The following STXBP5L variants were observed in gnomAD, a reference collection of about 807,000 sequenced individuals.
STXBP5L encodes syntaxin binding protein 5L.
STXBP5L carries 65 observed loss-of-function variants against 144.5 expected under a neutral mutation model. The ratio of observed to expected loss-of-function variants is 0.45; its 90% confidence interval spans 0.37 to 0.55. The LOEUF is 0.55. Among genes scored for constraint, STXBP5L ranks in the 20% least tolerant of loss-of-function variants. The pLI is 0.00. For synonymous variants in STXBP5L, 505 were observed against 469.6 expected, an observed-to-expected ratio of 1.08 and a Z score of -0.97; for missense variants, 1,298 against 1,405.5, an observed-to-expected ratio of 0.92 and a Z score of 1.22.
intron 14 of STXBP5L, among the ~76,000 whole-genome samples, chr3:121,249,874 T>C (rs1490538826): frequency 6.6e-6 from 1 of 152,110 alleles, no homozygotes; most frequent in Non-Finnish European, 1.5e-5. Flanking sequence ...CCTGTGTTCC[T>C]AGTTTATTGA....
chr3:121,226,740 A>G (rs918235509), intron 11 of STXBP5L, among the ~76,000 whole-genome samples: 1 of 152,168 alleles, frequency 6.6e-6, no homozygotes, highest in Non-Finnish European at 1.5e-5. Context: ...CAATGTTACA[A>G]TCTAATAACA....
intron 2 of STXBP5L, among the ~76,000 whole-genome samples, chr3:120,952,801 T>G (rs555622730): frequency 6.6e-6 from 1 of 152,188 alleles, no homozygotes; most frequent in South Asian, 2.1e-4. Context: ...GTACAATTTT[T>G]AAAATTTTTT....
At chr3:120,975,461 T>A (rs1284129490) in intron 3 of STXBP5L, among the ~76,000 whole-genome samples, 1 of 152,196 alleles carries the variant, frequency 6.6e-6, no homozygotes, top group Admixed American at 6.5e-5. Flanking sequence ...AATGGGGTTT[T>A]CTAGATAACA....
At chr3:121,295,261 C>A (rs1362664313) in intron 19 of STXBP5L, among the ~76,000 whole-genome samples, 1 of 151,946 alleles carries the variant, frequency 6.6e-6, no homozygotes, top group Non-Finnish European at 1.5e-5. Flanking sequence ...GGTACAAGGA[C>A]TGACATTTAA....
chr3:121,053,557 G>T (rs1262104377), intron 5 of STXBP5L, among the ~76,000 whole-genome samples: 2 of 150,778 alleles, frequency 1.3e-5, no homozygotes, highest in Non-Finnish European at 3.0e-5. Flanking sequence ...AGCTGAATTT[G>T]GATCCCTTAC....
intron 20 of STXBP5L, among the ~76,000 whole-genome samples, chr3:121,347,924 C>G (rs2045074086): frequency 6.6e-6 from 1 of 152,168 alleles, no homozygotes; most frequent in Non-Finnish European, 1.5e-5. Context: ...TTGACTTCCT[C>G]TTTTCCGAAT....
At chr3:121,084,244 C>T (rs768681366) in intron 5 of STXBP5L, among the ~76,000 whole-genome samples, 2 of 152,072 alleles carry the variant, frequency 1.3e-5, no homozygotes, top group African/African-American at 4.8e-5. Flanking sequence ...ATGTGTAAGA[C>T]ATGGAAGTTT....
intron 20 of STXBP5L, among the ~76,000 whole-genome samples, chr3:121,321,525 CT>C (rs1476396750): frequency 6.6e-6 from 1 of 152,196 alleles, no homozygotes; most frequent in East Asian, 1.9e-4. Context: ...TCTGTAATCT[CT>C]TGCTGTTGTA....
intron 5 of STXBP5L, among the ~76,000 whole-genome samples, chr3:121,060,217 C>G (rs1275972639): frequency 6.6e-6 from 1 of 152,094 alleles, no homozygotes; most frequent in Non-Finnish European, 1.5e-5. Context: ...TTTTCTGCAT[C>G]TTTGGAGGTA....
intron 19 of STXBP5L, among the ~76,000 whole-genome samples, chr3:121,298,674 A>G (rs1341743730): frequency 1.3e-5 from 2 of 152,232 alleles, no homozygotes; most frequent in Non-Finnish European, 2.9e-5. Flanking sequence ...CAAATATTAT[A>G]TGATTCCACT....
intron 9 of STXBP5L, among the ~76,000 whole-genome samples, chr3:121,159,337 T>C (rs1279007746): frequency 1.3e-5 from 2 of 152,094 alleles, no homozygotes; most frequent in East Asian, 1.9e-4. Context: ...ATTATTTGTG[T>C]TATTATTATT....
chr3:121,136,100 C>T (rs2045245771), intron 7 of STXBP5L, among the ~76,000 whole-genome samples: 1 of 152,182 alleles, frequency 6.6e-6, no homozygotes, highest in Non-Finnish European at 1.5e-5. Flanking sequence ...GCCCTGGTGC[C>T]ATTCTCATCT....
intron 19 of STXBP5L, among the ~76,000 whole-genome samples, chr3:121,285,870 A>G (rs1257365298): frequency 2.6e-5 from 4 of 152,140 alleles, no homozygotes; most frequent in Non-Finnish European, 5.9e-5. Flanking sequence ...AAGTGATTCT[A>G]TAAATGTTAG....
chr3:121,183,247 C>T (rs2047230452), intron 9 of STXBP5L, among the ~76,000 whole-genome samples: 2 of 152,114 alleles, frequency 1.3e-5, no homozygotes, highest in South Asian at 4.1e-4. Context: ...CAAGGATGCC[C>T]ACTTTCACCA....
intron 22 of STXBP5L, among the ~76,000 whole-genome samples, chr3:121,393,127 G>A (rs760112295): frequency 6.9e-4 from 104 of 150,928 alleles, no homozygotes; most frequent in African/African-American, 2.3e-3. Flanking sequence ...CATTCTGACT[G>A]GTATAAGATG....
In STXBP5L at chr3:121,423,907, C is replaced by A. The variant is rs1330753832; in HGVS notation, c.*4810C>A. 1.3e-5 allele frequency: 2 copies of A among 152,210 alleles called. No individual in the cohort carries two copies. Among genetic ancestry groups the A allele is most frequent in the South Asian group, 2.1e-4 (1 of 4,832 alleles). The allele number at this position is 152,210 out of a possible 1,614,324, so 9.4% of individuals were successfully genotyped here. A position where few individuals can be genotyped will look rare whatever the true frequency, so the allele number is the denominator to read the frequency against. Reference sequence around the variant, plus strand: ...CAGTGCTCCATCAACTCTTAATAATCATCTTTGTGATATTCTCCTATGTGA... The same window carrying A: ...CAGTGCTCCATCAACTCTTAATAATAATCTTTGTGATATTCTCCTATGTGA... On this transcript the variant is annotated 3_prime_UTR_variant, in exon 27 of 27. Coordinates refer to ENST00000471454, the MANE Select transcript of STXBP5L (RefSeq NM_001308330.2).
chr3:121,254,721 C>G (rs916369181), intron 15 of STXBP5L, among the ~76,000 whole-genome samples, 174 bp from the exon 16 acceptor site: 1 of 152,142 alleles, frequency 6.6e-6, no homozygotes, highest in African/African-American at 2.4e-5. Context: ...TAGTCTCCCT[C>G]TAGCTGCTGT....
intron 19 of STXBP5L, among the ~76,000 whole-genome samples, chr3:121,288,434 C>A (rs1297980664): frequency 1.3e-5 from 2 of 152,186 alleles, no homozygotes; most frequent in East Asian, 3.9e-4. Flanking sequence ...TCCACAATGG[C>A]TGAACTAATA....
At chr3:120,926,371 T>TC (rs1553745847) in intron 2 of STXBP5L, among the ~76,000 whole-genome samples, 5 of 151,278 alleles carry the variant, frequency 3.3e-5, no homozygotes, top group African/African-American at 1.2e-4. Context: ...TTTTTTTTTT[T>TC]CTTTCACCAC....
Sources: gnomAD v4.1 joint callset for allele counts (sites outside exome capture counted in the v4.1 genomes callset) on GRCh38, gnomAD v4.1.1 for gene constraint, MANE v1.5 for transcripts, NCBI Gene and HGNC (gene_info 2026-07-23, HGNC 2026-07-21) for gene names.